SLC5A10: variants seen among roughly 807,000 people sequenced by gnomAD.
SLC5A10 encodes sodium/mannose cotransporter SLC5A10.
SLC5A10 carries 55 observed loss-of-function variants against 68.9 expected under a neutral mutation model. The observed-to-expected ratio is 0.80, with a 90% CI of 0.64 to 1.00. The LOEUF (loss-of-function observed/expected upper bound fraction) is 1.00. Among genes scored for constraint, SLC5A10 ranks in the 50% least tolerant of loss-of-function variants. The pLI is 0.00. For missense variants in SLC5A10, 732 were observed against 819.3 expected (o/e 0.89, Z 1.30); for synonymous variants, 344 against 344.8 (o/e 1.00, Z 0.02).
chr17:18,981,677 T>C (rs956338708), intron 9 of SLC5A10, among the ~76,000 whole-genome samples: 1 of 152,154 alleles, frequency 6.6e-6, no homozygotes, highest in African/African-American at 2.4e-5. Context: ...TGAGTCCCCA[T>C]CTGATGCCCA....
At chr17:18,957,073 C>T (rs559437209) in intron 1 of SLC5A10, among the ~76,000 whole-genome samples, 1 of 152,222 alleles carries the variant, frequency 6.6e-6, no homozygotes, top group South Asian at 2.1e-4. Flanking sequence ...CGCTCGAACC[C>T]GGGAGGTGAA....
At chr17:18,985,900 C>G (rs963269562) in intron 9 of SLC5A10, among the ~76,000 whole-genome samples, 3 of 152,248 alleles carry the variant, frequency 2.0e-5, no homozygotes, top group African/African-American at 7.2e-5. Flanking sequence ...GCCCCTACCC[C>G]AGCCCAGGGC....
intron 4 of SLC5A10, among the ~76,000 whole-genome samples, 195 bp from the exon 5 acceptor site, chr17:18,960,353 C>CG (rs1325058431): frequency 1.3e-5 from 2 of 152,232 alleles, no homozygotes; most frequent in African/African-American, 4.8e-5. Flanking sequence ...CTGACACCCT[C>CG]GGGGCGCAGC....
Position 19,022,535 on chromosome 17 carries a change from A to C in SLC5A10, c.*2104A>C. On this transcript the variant is annotated 3_prime_UTR_variant, in exon 15 of 15. Coordinates refer to ENST00000395645, the MANE Select transcript of SLC5A10 (RefSeq NM_001042450.4). ...GACTCCAGGCCACAAAGCCATGAGA[A>C]TGGGCCTTATAAACTGTAAAGTGAC... 5.1e-6 allele frequency: 1 copy of C among 194,882 alleles called. No individual in the cohort carries two copies. Among genetic ancestry groups the C allele is most frequent in the Non-Finnish European group, 1.0e-5 (1 of 96,614 alleles). The allele number at this position is 194,882 out of a possible 1,614,324, so 12.1% of individuals were successfully genotyped here.
At chr17:18,957,657 G>T (rs1450206896) in intron 1 of SLC5A10, among the ~76,000 whole-genome samples, 1 of 152,046 alleles carries the variant, frequency 6.6e-6, no homozygotes, top group African/African-American at 2.4e-5. Flanking sequence ...GTAGAGACAG[G>T]GTTTCACCAT....
intron 9 of SLC5A10, 108 bp from the exon 10 acceptor site, chr17:19,013,302 G>A: frequency 3.9e-6 from 6 of 1,536,366 alleles, no homozygotes; most frequent in East Asian, 2.5e-5. Flanking sequence ...CAGGTCAGAG[G>A]CATTGATGGA....
At position 18,952,237 on chromosome 17, in the gene SLC5A10, C is replaced by T. The variant is rs1476079353; in HGVS notation, c.32C>T (p.Thr11Ile). The change falls in exon 1 of 15, where the codon ACT becomes ATT. Residue 11 changes from threonine to isoleucine, a missense_variant. Thr to Ile is a moderately conservative substitution (Grantham distance 89). Coordinates refer to ENST00000395645, the MANE Select transcript of SLC5A10 (RefSeq NM_001042450.4). Reference protein sequence around the residue: MAANSTSDLHTPGTQLSVADI... With the variant: MAANSTSDLHIPGTQLSVADI... ...GCCAACTCCACCAGCGACCTCCACA[C>T]TCCCGGGACGCAGCTGAGCGTGGCT... The T allele has an allele frequency of 6.2e-7, 1 of 1,613,912 alleles. No homozygotes were observed. The highest frequency in any genetic ancestry group is 1.7e-5 in the Admixed American group (1 of 60,000).
intron 11 of SLC5A10, among the ~76,000 whole-genome samples, chr17:19,015,545 C>T (rs547958374): frequency 1.3e-5 from 2 of 152,328 alleles, no homozygotes; most frequent in South Asian, 4.1e-4. Context: ...AGAGGGCCCC[C>T]GGGCCAGCAC....
At chr17:18,955,742 T>C (rs1021992832) in intron 1 of SLC5A10, among the ~76,000 whole-genome samples, 7 of 152,038 alleles carry the variant, frequency 4.6e-5, no homozygotes, top group African/African-American at 1.7e-4. Context: ...GTGGTGGGAG[T>C]TGGAGCTGGA....
chr17:18,972,470 G>A (rs2042878760), intron 8 of SLC5A10, among the ~76,000 whole-genome samples: 3 of 152,190 alleles, frequency 2.0e-5, no homozygotes, highest in Admixed American at 6.5e-5. Context: ...AACCCAGAGT[G>A]GAGTGACTTT....
chr17:18,988,203 AC>A, intron 9 of SLC5A10: 1 of 1,592,214 alleles, frequency 6.3e-7, no homozygotes, highest in East Asian at 2.3e-5. Flanking sequence ...AGACTGAATG[AC>A]CCCTGCCCTC....
At chr17:19,005,388 TG>T (rs142136680) in intron 9 of SLC5A10, among the ~76,000 whole-genome samples, 17,309 of 152,238 alleles carry the variant, frequency 0.11, 1,021 homozygotes, top group South Asian at 0.15. Context: ...GAGCGTCCCC[TG>T]GGGTTGGGAC....
chr17:18,999,879 C>T (rs1041054626), intron 9 of SLC5A10, among the ~76,000 whole-genome samples: 3 of 152,244 alleles, frequency 2.0e-5, no homozygotes, highest in African/African-American at 7.2e-5. Context: ...GTGATCTGTC[C>T]CTGCCCTGGG....
chr17:18,959,594 G>T lies in SLC5A10; in HGVS notation c.289-10G>T. The T allele has an allele frequency of 1.2e-6, 2 of 1,613,628 alleles. No homozygotes were observed. The highest frequency in any genetic ancestry group is 1.7e-6 in the Non-Finnish European group (2 of 1,179,930). On this transcript the variant is annotated splice_polypyrimidine_tract_variant and intron_variant, in intron 3 of 14. Transcript: ENST00000395645. The stretch of plus-strand genomic sequence containing the variant: ...GCACCTGCAGTCCTCACCTGTCTCT[G>T]TCCCCATAGGCCACGTACGTGCTGC...
At chr17:18,984,840 A>T (rs923152270) in intron 9 of SLC5A10, among the ~76,000 whole-genome samples, 1 of 152,062 alleles carries the variant, frequency 6.6e-6, no homozygotes, top group Non-Finnish European at 1.5e-5. Flanking sequence ...CCTGCTCCCT[A>T]TTTGTCATTT....
chr17:19,004,123 C>T lies in SLC5A10; in HGVS notation c.983-9287C>T. Reference sequence around the variant, plus strand: ...GCTCCGGCCCAGCTGGGGCACCGCGCGCTCGGGGGCCTCTCCGCGGCCTCT... The same window carrying T: ...GCTCCGGCCCAGCTGGGGCACCGCGTGCTCGGGGGCCTCTCCGCGGCCTCT... On this transcript the variant is annotated intron_variant, in intron 9 of 14. Coordinates refer to ENST00000395645, the MANE Select transcript of SLC5A10 (RefSeq NM_001042450.4). This position sits in a 1 kb window ranked among gnomAD's most constrained non-coding sequence, Gnocchi z 5.4. 7.3e-7 allele frequency: 1 copy of T among 1,371,850 alleles called. No individual in the cohort carries two copies. The highest frequency in any genetic ancestry group is 9.9e-7 in the Non-Finnish European group (1 of 1,010,792). The allele number at this position is 1,371,850 out of a possible 1,614,324, so 85.0% of individuals were successfully genotyped here. A position where few individuals can be genotyped will look rare whatever the true frequency, so the allele number is the denominator to read the frequency against.
chr17:18,962,130 C>G (rs763519717), intron 5 of SLC5A10, among the ~76,000 whole-genome samples: 38 of 152,302 alleles, frequency 2.5e-4, no homozygotes, highest in Middle Eastern at 6.8e-3. Context: ...CCAGCCACCT[C>G]CCTGGAAACC....
chr17:19,019,824 C>G lies in SLC5A10; in HGVS notation c.1522C>G (p.Leu508Val). ...AGAGCCAGACACGCGGCCAGCCGTC[C>G]TGGGGAGCATCCACTACCTGCACTT... ...CGEPDTRPAV[L>V]GSIHYLHFAV... The change falls in exon 13 of 15, where the codon CTG (leucine) becomes GTG (valine). Residue 508 changes from leucine (L) to valine (V), a missense_variant. Leu to Val is a conservative substitution (Grantham distance 32). Transcript: ENST00000395645. 6.2e-7 allele frequency: 1 copy of G among 1,613,652 alleles called. No individual in the cohort carries two copies. Among genetic ancestry groups the G allele is most frequent in the Non-Finnish European group, 8.5e-7 (1 of 1,179,954 alleles).
chr17:18,984,332 CAAAAAAAAAAAA>C (rs1176935676), intron 9 of SLC5A10, among the ~76,000 whole-genome samples: 1 of 68,004 alleles, frequency 1.5e-5, no homozygotes, highest in Non-Finnish European at 3.0e-5. Context: ...GACTCCCTCT[CAAAAAAAAAAAA>C]AAAAAAAAAA....
Sources: allele counts gnomAD v4.1 joint callset (sites outside exome capture counted in the v4.1 genomes callset), GRCh38; gene constraint gnomAD v4.1.1; non-coding constraint Gnocchi (gnomAD v3.1); transcripts MANE v1.5; gene names NCBI Gene and HGNC (gene_info 2026-07-23, HGNC 2026-07-21).